Variants in ZNF780B observed in about 807,000 individuals in gnomAD.
The protein encoded by ZNF780B is zinc finger protein 779.
ZNF780B carries 52 observed loss-of-function variants against 74.1 expected under a neutral mutation model. The ratio of observed to expected loss-of-function variants is 0.70; its 90% CI spans 0.56 to 0.88. The LOEUF (loss-of-function observed/expected upper bound fraction) is 0.88. Among genes scored for constraint, ZNF780B ranks in the 40% least tolerant of loss-of-function variants. The pLI is 0.00. For missense variants in ZNF780B, 953 were observed against 1,007.6 expected, an observed-to-expected ratio of 0.95 and a Z score of 0.73; for synonymous variants, 315 against 324.3, an observed-to-expected ratio of 0.97 and a Z score of 0.31.
chr19:40,047,949 T>C (rs1207676815), intron 3 of ZNF780B, among the ~76,000 whole-genome samples: 1 of 152,216 alleles, frequency 6.6e-6, no homozygotes, highest in African/African-American at 2.4e-5. Context: ...TTATTGTCAT[T>C]ATTTATTTTG....
Position 40,031,938 on chromosome 19 carries a change from C to G in ZNF780B, c.*2419G>C, listed in dbSNP as rs1972021463. ...ATGATCATCCTTAGTTTCACTAATG[C>G]AAGGACCTGTACTTAAATGTTTTCT... On this transcript the variant is annotated 3_prime_UTR_variant, in exon 5 of 5. Coordinates refer to ENST00000434248, the MANE Select transcript of ZNF780B (RefSeq NM_001005851.3). The G allele has an allele frequency of 2.6e-6, 1 of 380,904 alleles. No homozygotes were observed. The highest frequency in any genetic ancestry group is 3.4e-5 in the Admixed American group (1 of 29,182). The allele number at this position is 380,904 out of a possible 1,614,324, so 23.6% of individuals were successfully genotyped here. A position where few individuals can be genotyped will look rare whatever the true frequency, so the allele number is the denominator to read the frequency against.
At position 40,035,832 on chromosome 19, in the gene ZNF780B, T is replaced by C. The variant is rs762350314; in HGVS notation, c.1027A>G (p.Thr343Ala). ...TGTCGAACAAGCTTTGTCAGAAGAG[T>C]AAAGGCCTTTCTGCATTCTTTACAT... Reference protein sequence around the residue: ...FECKECRKAFTLLTKLVRHQK... With the variant: ...FECKECRKAFALLTKLVRHQK... Residue 343 changes from threonine to alanine, a missense_variant, in exon 5 of 5, where the codon ACT (threonine) becomes GCT (alanine). Transcript: ENST00000434248. The C allele has an allele frequency of 5.0e-6, 8 of 1,613,962 alleles. No homozygotes were observed. The South Asian group carries it at 5.5e-5, about 11-fold the overall frequency.
At chr19:40,052,363 C>T in intron 1 of ZNF780B, among the ~76,000 whole-genome samples, 1 of 152,234 alleles carries the variant, frequency 6.6e-6, no homozygotes, top group East Asian at 1.9e-4. Flanking sequence ...AATCAATGTT[C>T]TATCTAGATC....
At position 40,033,190 on chromosome 19, in the gene ZNF780B, T is replaced by C. The variant is rs991698054; in HGVS notation, c.*1167A>G. 6.5e-6 allele frequency: 1 copy of C among 154,396 alleles called. No individual in the cohort carries two copies. The highest frequency in any genetic ancestry group is 2.4e-5 in the African/African-American group (1 of 41,476). 9.6% of individuals were successfully genotyped at this position (154,396 alleles called of 1,614,324 possible). On this transcript the variant is annotated 3_prime_UTR_variant, in exon 5 of 5. Coordinates refer to ENST00000434248, the MANE Select transcript of ZNF780B (RefSeq NM_001005851.3). ...CAGATCACCATAACAGATTTAACAATGAAAAAGTTTGAAATATTATGAAAA... is the reference window on the plus strand; with the variant it reads ...CAGATCACCATAACAGATTTAACAACGAAAAAGTTTGAAATATTATGAAAA...
At chr19:40,053,063 C>T (rs1055156992) in intron 1 of ZNF780B, among the ~76,000 whole-genome samples, 5 of 151,946 alleles carry the variant, frequency 3.3e-5, no homozygotes, top group African/African-American at 9.7e-5. Flanking sequence ...ACTTCAAAAG[C>T]ACAGGCAATA....
In ZNF780B at chr19:40,036,160, G is replaced by A. The variant is rs1051459424; in HGVS notation, c.699C>T (p.Pro233=). ...CKECGKAFNL[P]TQLNRHKNIH... ...TGTTCTTATGGCGATTAAGCTGGGT[G>A]GGAAGATTAAAGGCTTTTCCACATT... Residue 233 remains proline (P), a synonymous_variant, in exon 5 of 5, where the codon CCC becomes CCT. Coordinates refer to ENST00000434248, the MANE Select transcript of ZNF780B (RefSeq NM_001005851.3). 1.2e-6 allele frequency: 2 copies of A among 1,613,926 alleles called. No homozygotes were observed. The highest frequency in any genetic ancestry group is 1.7e-6 in the Non-Finnish European group (2 of 1,179,956).
rs540318109 is a variant in ZNF780B, at chr19:40,032,573, C to G, written c.*1784G>C. 5.1e-6 allele frequency: 1 copy of G among 195,260 alleles called. No homozygotes were observed. Among genetic ancestry groups the G allele is most frequent in the African/African-American group, 2.4e-5 (1 of 41,846 alleles). 12.1% of individuals were successfully genotyped at this position (195,260 alleles called of 1,614,324 possible). ...CTCTACTAAAAATACAAAAAATTAG[C>G]TGGGCATGGTGGCGGGTGCCTCTAG... is the stretch of plus-strand genomic sequence containing the variant. On this transcript the variant is annotated 3_prime_UTR_variant, in exon 5 of 5. Coordinates refer to ENST00000434248, the MANE Select transcript of ZNF780B (RefSeq NM_001005851.3).
At chr19:40,043,566 A>G (rs1457660873) in intron 4 of ZNF780B, among the ~76,000 whole-genome samples, 1 of 152,094 alleles carries the variant, frequency 6.6e-6, no homozygotes, top group East Asian at 1.9e-4. Context: ...ACCCAGTTTG[A>G]GCTCCCCGGC....
intron 1 of ZNF780B, among the ~76,000 whole-genome samples, chr19:40,050,972 T>C (rs1192032228): frequency 1.3e-5 from 2 of 152,220 alleles, no homozygotes; most frequent in Non-Finnish European, 2.9e-5. Context: ...TCCAGACATA[T>C]GATTAACAGA....
intron 4 of ZNF780B, among the ~76,000 whole-genome samples, chr19:40,037,874 C>T (rs1454880298): frequency 1.4e-5 from 2 of 146,710 alleles, no homozygotes; most frequent in South Asian, 2.2e-4. Flanking sequence ...ACATCCAACT[C>T]CTCTTTTTTT....
At position 40,034,371 on chromosome 19, in the gene ZNF780B, A is replaced by AT. The variant is rs1381045419; in HGVS notation, c.2487dup (p.Phe830IlefsTer111). The AT allele has an allele frequency of 1.9e-6, 3 of 1,606,266 alleles. No homozygotes were observed. Among genetic ancestry groups the AT allele is most frequent in the Non-Finnish European group, 2.6e-6 (3 of 1,175,502 alleles). ...TTCAAAGGTTTTCACCCAAGTATGA[A>AT]TTTTCTGATGTTCAGTAAGTTGCTA... On this transcript the variant is annotated frameshift_variant, in exon 5 of 5. Coordinates refer to ENST00000434248, the MANE Select transcript of ZNF780B (RefSeq NM_001005851.3). LOFTEE classifies it high-confidence loss of function.
intron 4 of ZNF780B, among the ~76,000 whole-genome samples, chr19:40,045,577 C>A (rs1050040340): frequency 6.6e-6 from 1 of 152,142 alleles, no homozygotes; most frequent in Non-Finnish European, 1.5e-5. Flanking sequence ...ACCTAAGTGT[C>A]CCCCAACAGA....
chr19:40,047,470 C>T lies in ZNF780B; in HGVS notation c.137G>A (p.Gly46Glu). The T allele has an allele frequency of 1.2e-6, 2 of 1,606,156 alleles. No individual in the cohort carries two copies. Among genetic ancestry groups the T allele is most frequent in the Non-Finnish European group, 1.7e-6 (2 of 1,176,304 alleles). ...LENYSHLISL[G>E]SSISKPDVIT... The stretch of plus-strand genomic sequence containing the variant: ...CACATCTGGCTTAGAAATGGAACTT[C>T]CTGCTTAAAAGAAATAACACATGTA... Residue 46 changes from glycine to glutamate, a missense_variant and splice_region_variant, in exon 4 of 5, where the codon GGA (glycine) becomes GAA (glutamate). Coordinates refer to ENST00000434248, the MANE Select transcript of ZNF780B (RefSeq NM_001005851.3).
In ZNF780B at chr19:40,044,109, A is replaced by T. The variant is rs553891724; in HGVS notation, c.232+3266T>A. On this transcript the variant is annotated intron_variant, in intron 4 of 4. Transcript: ENST00000434248. ...ATGTTTTCCTCAGAACATCTGAATG[A>T]ATGAATAAAGCCACCGTAACATATG... Among the ~76,000 whole-genome samples, 5 of 152,346 alleles carry T rather than the reference A, an allele frequency of 3.3e-5. No homozygotes were observed. The East Asian group carries it at 7.7e-4, about 24-fold the overall frequency.
Position 40,050,524 on chromosome 19 carries a change from C to A in ZNF780B, c.-45-147G>T, listed in dbSNP as rs138545628. The A allele has an allele frequency of 6.2e-4, 524 of 841,178 alleles. 6 individuals carry two copies. In the East Asian group the frequency reaches 0.014, roughly 23 times the overall value. The allele number at this position is 841,178 out of a possible 1,614,324, so 52.1% of individuals were successfully genotyped here. ...CCCTTCTCCCGTCACTCCCTTTTTC[C>A]CTACACACACTCTCACAAATAAACT... On this transcript the variant is annotated intron_variant, in intron 1 of 4. Coordinates refer to ENST00000434248, the MANE Select transcript of ZNF780B (RefSeq NM_001005851.3).
chr19:40,045,389 A>C (rs376620079), intron 4 of ZNF780B, among the ~76,000 whole-genome samples: 8 of 152,206 alleles, frequency 5.3e-5, no homozygotes, highest in African/African-American at 1.9e-4. Context: ...AATTAGTACA[A>C]TCACTATGGA....
intron 4 of ZNF780B, among the ~76,000 whole-genome samples, chr19:40,040,842 TG>T (rs1272163508): frequency 1.3e-5 from 2 of 152,242 alleles, no homozygotes; most frequent in Admixed American, 6.5e-5. Context: ...TCAATTTTGT[TG>T]ATCTTTTCAA....
Position 40,034,767 on chromosome 19 carries a change from C to A in ZNF780B, c.2092G>T (p.Val698Leu), listed in dbSNP as rs1972160510. ...QKTHSSAKPF[V>L]CKECRKTFRY... is the part of the protein sequence containing the mutation. ...AAGGTCTTCCTACACTCCTTACATACAAAGGGTTTCGCACTGGAATGAGTT... is the reference window on the plus strand; with the variant it reads ...AAGGTCTTCCTACACTCCTTACATAAAAAGGGTTTCGCACTGGAATGAGTT... The change falls in exon 5 of 5, where the codon GTA becomes TTA. Residue 698 changes from valine to leucine, a missense_variant. By Grantham distance (32) the Val-to-Leu change is conservative. Transcript: ENST00000434248. 1 of 1,613,794 alleles carries A rather than the reference C, an allele frequency of 6.2e-7. No individual in the cohort carries two copies. The highest frequency in any genetic ancestry group is 1.3e-5 in the African/African-American group (1 of 74,836).
chr19:40,048,301 T>C (rs1973034317), intron 3 of ZNF780B, among the ~76,000 whole-genome samples: 1 of 152,142 alleles, frequency 6.6e-6, no homozygotes, highest in Non-Finnish European at 1.5e-5. Flanking sequence ...TCCTTACAGG[T>C]GGGCCAGAAA....
Sources: gnomAD v4.1 joint callset for allele counts (sites outside exome capture counted in the v4.1 genomes callset) on GRCh38, gnomAD v4.1.1 for gene constraint, MANE v1.5 for transcripts, NCBI Gene and HGNC (gene_info 2026-07-23, HGNC 2026-07-21) for gene names.